The following TBC1D5 variants were observed in gnomAD, a reference collection of about 807,000 sequenced individuals.
TBC1D5 encodes TBC1 domain family member 5, also known as TBC1 domain family, member 5.
TBC1D5 carries 75 observed loss-of-function variants against 100.3 expected under a neutral mutation model. That is an observed-to-expected ratio of 0.75 (90% CI 0.62 to 0.91). TBC1D5 has a LOEUF of 0.91. Ranked by LOEUF, TBC1D5 falls within the 40% of genes least tolerant of loss-of-function variation. The pLI, the probability that TBC1D5 is intolerant of heterozygous loss-of-function variation, is 0.00. For missense variants in TBC1D5, 910 were observed against 942.4 expected (o/e 0.97, Z 0.45); for synonymous variants, 323 against 325.6 (o/e 0.99, Z 0.09).
intron 15 of TBC1D5, among the ~76,000 whole-genome samples, chr3:17,264,082 G>C (rs1029609701): frequency 1.3e-5 from 2 of 151,846 alleles, no homozygotes; most frequent in Non-Finnish European, 2.9e-5. Flanking sequence ...TAGATCAGCT[G>C]ACCTACCTCC....
intron 13 of TBC1D5, among the ~76,000 whole-genome samples, chr3:17,361,461 A>G (rs2091702561): frequency 6.6e-6 from 1 of 152,106 alleles, no homozygotes; most frequent in Admixed American, 6.6e-5. Context: ...CAACAATAGT[A>G]GAATAAACAA....
intron 17 of TBC1D5, among the ~76,000 whole-genome samples, chr3:17,229,889 G>C (rs891202416): frequency 6.6e-6 from 1 of 152,114 alleles, no homozygotes; most frequent in Non-Finnish European, 1.5e-5. Flanking sequence ...TGAACGTAAA[G>C]GGCAAATTCT....
At chr3:17,272,329 A>G (rs535539652) in intron 15 of TBC1D5, among the ~76,000 whole-genome samples, 10 of 152,352 alleles carry the variant, frequency 6.6e-5, no homozygotes, top group South Asian at 4.1e-4. Flanking sequence ...GAGTTGTTCT[A>G]TATAACTGGA....
chr3:17,495,986 C>A (rs968767931), intron 3 of TBC1D5, among the ~76,000 whole-genome samples: 1 of 152,182 alleles, frequency 6.6e-6, no homozygotes, highest in Non-Finnish European at 1.5e-5. Flanking sequence ...TTTACCTTTC[C>A]ATGTACTGGT....
chr3:17,207,711 A>C (rs2072403893), intron 18 of TBC1D5, among the ~76,000 whole-genome samples: 1 of 152,260 alleles, frequency 6.6e-6, no homozygotes, highest in African/African-American at 2.4e-5. Flanking sequence ...AACAAGTTCT[A>C]CAACACACTA....
intron 8 of TBC1D5, among the ~76,000 whole-genome samples, chr3:17,389,114 A>AT (rs2093269687): frequency 6.6e-6 from 1 of 152,034 alleles, no homozygotes; most frequent in South Asian, 2.1e-4. Context: ...CTTGTAATGT[A>AT]TTTGTTAAAG....
chr3:17,697,167 C>T (rs532541840), intron 1 of TBC1D5, among the ~76,000 whole-genome samples: 15 of 152,220 alleles, frequency 9.9e-5, no homozygotes, highest in African/African-American at 2.4e-4. Flanking sequence ...GGGCAACAAC[C>T]GGAAGCATTT....
intron 2 of TBC1D5, among the ~76,000 whole-genome samples, chr3:17,570,020 G>C (rs868243443): frequency 6.6e-6 from 1 of 151,784 alleles, no homozygotes; most frequent in African/African-American, 2.4e-5. Context: ...ACAGGTACTA[G>C]AAAGTCAGAG....
chr3:17,454,555 G>A (rs1408980089), intron 3 of TBC1D5, among the ~76,000 whole-genome samples: 1 of 152,060 alleles, frequency 6.6e-6, no homozygotes, highest in East Asian at 1.9e-4. Flanking sequence ...CGCCTCCCGG[G>A]TTCACGCCAT....
At chr3:17,712,772 A>G (rs1467273438) in intron 1 of TBC1D5, among the ~76,000 whole-genome samples, 1 of 152,196 alleles carries the variant, frequency 6.6e-6, no homozygotes, top group African/African-American at 2.4e-5. Flanking sequence ...CATAAAGGAG[A>G]GCCACTCTGA....
chr3:17,716,758 C>T (rs937795449), intron 1 of TBC1D5, among the ~76,000 whole-genome samples: 1 of 152,114 alleles, frequency 6.6e-6, no homozygotes, highest in Non-Finnish European at 1.5e-5. Context: ...TAATAATTCA[C>T]TCACTGCCAT....
intron 1 of TBC1D5, among the ~76,000 whole-genome samples, chr3:17,647,717 G>A (rs114779900): frequency 2.1e-3 from 313 of 152,192 alleles, no homozygotes; most frequent in African/African-American, 7.3e-3. Flanking sequence ...TAAGCCCATC[G>A]TAAACTTTTA....
intron 2 of TBC1D5, among the ~76,000 whole-genome samples, chr3:17,609,130 T>C (rs928019913): frequency 6.6e-6 from 1 of 152,246 alleles, no homozygotes; most frequent in African/African-American, 2.4e-5. Flanking sequence ...TTATTTCCTA[T>C]CCCTAATTGC....
chr3:17,533,019 T>C (rs1159968120), intron 2 of TBC1D5, among the ~76,000 whole-genome samples: 1 of 149,862 alleles, frequency 6.7e-6, no homozygotes, highest in African/African-American at 2.5e-5. Context: ...ATCACACCAC[T>C]GCACTCCAGC....
At chr3:17,460,881 A>C (rs1225213355) in intron 3 of TBC1D5, among the ~76,000 whole-genome samples, 1 of 152,160 alleles carries the variant, frequency 6.6e-6, no homozygotes, top group Non-Finnish European at 1.5e-5. Flanking sequence ...CAATCTTTTG[A>C]TTAAAAAAGT....
chr3:17,425,318 A>G, intron 4 of TBC1D5, among the ~76,000 whole-genome samples: 1 of 152,194 alleles, frequency 6.6e-6, no homozygotes, highest in East Asian at 1.9e-4. Context: ...CCAGTACACT[A>G]TGTTTAAACA....
chr3:17,705,402 C>T (rs1364571667), intron 1 of TBC1D5, among the ~76,000 whole-genome samples: 13 of 142,330 alleles, frequency 9.1e-5, no homozygotes, highest in Admixed American at 8.9e-4. Flanking sequence ...ATGCTCCTCA[C>T]TTCCCAGATG....
chr3:17,546,846 T>C (rs1473273278), intron 2 of TBC1D5, among the ~76,000 whole-genome samples: 1 of 152,024 alleles, frequency 6.6e-6, no homozygotes, highest in Non-Finnish European at 1.5e-5. Context: ...TATTCCTCTA[T>C]TACATTCCAA....
chr3:17,515,195 A>C (rs554611694), intron 2 of TBC1D5, among the ~76,000 whole-genome samples: 19 of 152,276 alleles, frequency 1.2e-4, no homozygotes, highest in African/African-American at 4.1e-4. Flanking sequence ...GTCCAAAAAA[A>C]CCAATGAACA....
Sources: allele counts gnomAD v4.1 joint callset (sites outside exome capture counted in the v4.1 genomes callset), GRCh38; gene constraint gnomAD v4.1.1; transcripts MANE v1.5; gene names NCBI Gene and HGNC (gene_info 2026-07-23, HGNC 2026-07-21).